The following PRDM1 variants were observed in gnomAD, a reference collection of about 807,000 sequenced individuals.
The protein encoded by PRDM1 is PR/SET domain 1.
A neutral mutation model predicts 62.8 loss-of-function variants in PRDM1; 13 were observed. The ratio of observed to expected loss-of-function variants is 0.21; its 90% CI spans 0.13 to 0.33. The LOEUF is 0.33. PRDM1 is among the 10% of genes least tolerant of loss of function. The probability of loss-of-function intolerance (pLI) is 1.00; values close to 1 mark genes in which losing one functional copy is unlikely to be tolerated. For missense variants in PRDM1, 895 were observed against 1,058.8 expected, an observed-to-expected ratio of 0.85 and a Z score of 2.15; for synonymous variants, 396 against 417.6, an observed-to-expected ratio of 0.95 and a Z score of 0.63.
chr6:106,001,341 A>G (rs1772421966), intron 1 of PRDM1, among the ~76,000 whole-genome samples: 1 of 152,180 alleles, frequency 6.6e-6, no homozygotes, highest in Non-Finnish European at 1.5e-5. Flanking sequence ...TGCGTTGTTT[A>G]TGGTGTCTTA....
chr6:106,090,181 C>A (rs1388949189), intron 2 of PRDM1, among the ~76,000 whole-genome samples: 1 of 152,102 alleles, frequency 6.6e-6, no homozygotes, highest in African/African-American at 2.4e-5. Context: ...CTACACTGGC[C>A]CCTCTTGGTG....
chr6:106,018,858 G>A (rs1310864720), intron 1 of PRDM1, among the ~76,000 whole-genome samples: 4 of 151,092 alleles, frequency 2.6e-5, no homozygotes, highest in Non-Finnish European at 5.9e-5. Context: ...CTTTTCATAT[G>A]GTATTCTTTG....
chr6:106,036,431 T>G (rs1562149790), intron 1 of PRDM1, among the ~76,000 whole-genome samples: 1 of 152,216 alleles, frequency 6.6e-6, no homozygotes, highest in Non-Finnish European at 1.5e-5. Flanking sequence ...CCGTAACTAT[T>G]TAATTTCTTT....
At chr6:106,100,079 T>G (rs1430195628) in intron 4 of PRDM1, 6 of 153,660 alleles carry the variant, frequency 3.9e-5, no homozygotes, top group Admixed American at 1.3e-4. Flanking sequence ...TTCCTTACAG[T>G]AAAAAAACTA....
Position 105,994,624 on chromosome 6 carries a change from G to C in PRDM1, c.-67+985G>C, listed in dbSNP as rs997656024. 6.6e-6 allele frequency among the ~76,000 whole-genome samples: 1 copy of C among 152,164 alleles called. No homozygotes were observed. Among genetic ancestry groups the C allele is most frequent in the African/African-American group, 2.4e-5 (1 of 41,426 alleles). ...AACAGCAGGTCCAGAGGACTCTCGA[G>C]ATAGGTTTAGAGCCCGTCCTTTTGT... is the stretch of plus-strand genomic sequence containing the variant. On this transcript the variant is annotated intron_variant, in intron 1 of 6. Transcript: ENST00000652320. The surrounding 1 kb of genome is among the most constrained non-coding windows in gnomAD (Gnocchi z 4.1).
At chr6:106,024,978 G>A (rs533355741) in intron 1 of PRDM1, among the ~76,000 whole-genome samples, 1 of 152,174 alleles carries the variant, frequency 6.6e-6, no homozygotes, top group African/African-American at 2.4e-5. Context: ...TTCACAAGTC[G>A]TGTGTCTGCT....
chr6:106,061,971 C>T (rs192358570), intron 1 of PRDM1, among the ~76,000 whole-genome samples: 2 of 152,268 alleles, frequency 1.3e-5, no homozygotes, highest in East Asian at 3.9e-4. Flanking sequence ...TTTTGATTAT[C>T]AGATTGGCAA....
chr6:106,098,520 G>A (rs1288551553), intron 3 of PRDM1: 1 of 1,244,916 alleles, frequency 8.0e-7, no homozygotes, highest in African/African-American at 1.6e-5. Context: ...CTCTGTGTGT[G>A]GTGTTTTAGC....
At chr6:106,058,518 A>T (rs1773297033) in intron 1 of PRDM1, among the ~76,000 whole-genome samples, 1 of 152,114 alleles carries the variant, frequency 6.6e-6, no homozygotes, top group Non-Finnish European at 1.5e-5. Flanking sequence ...AAGACAATTG[A>T]TTCTGGCCTC....
At chr6:106,066,920 G>C (rs1156282789) in intron 1 of PRDM1, among the ~76,000 whole-genome samples, 1 of 152,176 alleles carries the variant, frequency 6.6e-6, no homozygotes, top group Non-Finnish European at 1.5e-5. Flanking sequence ...TGTGGACATA[G>C]TGTGCCAGGC....
At chr6:106,075,905 T>C (rs1241206758) in intron 1 of PRDM1, among the ~76,000 whole-genome samples, 2 of 151,972 alleles carry the variant, frequency 1.3e-5, no homozygotes, top group African/African-American at 4.8e-5. Flanking sequence ...ATCAAGGAAG[T>C]TGGTATAAGA....
In PRDM1 at chr6:106,095,941, A is replaced by G. The variant is rs138935069; in HGVS notation, c.411+207A>G. The G allele has an allele frequency of 1.1e-5, 6 of 553,856 alleles. No individual in the cohort carries two copies. The African/African-American group carries it at 1.1e-4, about 10-fold the overall frequency. 34.3% of individuals were successfully genotyped at this position (553,856 alleles called of 1,614,324 possible). ...CCTGTAGGTGGTTAGTGATGGAGAT[A>G]CGGGCTATATGTGAATCTTGATTTT... On this transcript the variant is annotated intron_variant, in intron 3 of 6. Coordinates refer to ENST00000369096, the MANE Select transcript of PRDM1 (RefSeq NM_001198.4).
In PRDM1 at chr6:106,105,530, C is replaced by T; in HGVS notation, c.1370C>T (p.Pro457Leu). The change falls in exon 5 of 7, where the codon CCC becomes CTC. Residue 457 changes from proline (P) to leucine (L), a missense_variant. Pro to Leu is a moderately conservative substitution (Grantham distance 98). This residue lies in a region of PRDM1 where 444 missense variants were observed against 422.7 expected (regional missense o/e 1.05). Transcript: ENST00000369096. ...YSNLLGGGSLPHPMLNPTSLP... is the reference protein window; with the variant it reads ...YSNLLGGGSLLHPMLNPTSLP... ...AATCTCCTCGGTGGGGGCAGCCTGC[C>T]CCACCCCATGCTCAACCCCACTTCT... The T allele has an allele frequency of 6.2e-7, 1 of 1,613,476 alleles. No homozygotes were observed. The highest frequency in any genetic ancestry group is 8.5e-7 in the Non-Finnish European group (1 of 1,179,656).
intron 1 of PRDM1, among the ~76,000 whole-genome samples, chr6:106,025,153 C>T (rs889723625): frequency 1.3e-5 from 2 of 152,182 alleles, no homozygotes; most frequent in African/African-American, 4.8e-5. Context: ...TGTTATCAAT[C>T]AACTTCTTTC....
At chr6:106,103,323 G>C (rs1412183621) in intron 4 of PRDM1, among the ~76,000 whole-genome samples, 2 of 152,170 alleles carry the variant, frequency 1.3e-5, no homozygotes, top group African/African-American at 4.8e-5. Context: ...GTTTCACAGA[G>C]TTCATTTCTA....
intron 1 of PRDM1, among the ~76,000 whole-genome samples, chr6:106,027,170 TA>T (rs1049142590): frequency 1.6e-4 from 25 of 152,342 alleles, no homozygotes; most frequent in African/African-American, 6.0e-4. Context: ...CTACTTTGTT[TA>T]AAATTCGGGA....
chr6:106,108,022 T>TTCAG lies in PRDM1; in HGVS notation c.*540_*543dup. 1 of 233,032 alleles carries TTCAG rather than the reference T, an allele frequency of 4.3e-6. No homozygotes were observed. The highest frequency in any genetic ancestry group is 8.5e-6 in the Non-Finnish European group (1 of 117,646). The allele number at this position is 233,032 out of a possible 1,614,324, so 14.4% of individuals were successfully genotyped here. On this transcript the variant is annotated 3_prime_UTR_variant, in exon 7 of 7. Coordinates refer to ENST00000369096, the MANE Select transcript of PRDM1 (RefSeq NM_001198.4). Reference sequence around the variant, plus strand: ...AGATTTAGTTAAACAAATATATGACTTCAGTCAACCTCTCTCTCTAATAAT... The same window carrying TTCAG: ...AGATTTAGTTAAACAAATATATGACTTCAGTCAGTCAACCTCTCTCTCTAATAAT...
intron 3 of PRDM1, chr6:106,098,870 G>A: frequency 4.6e-6 from 7 of 1,513,866 alleles, no homozygotes; most frequent in Non-Finnish European, 6.2e-6. Context: ...TCAGTTTGAC[G>A]TCGTCAGCCG....
At chr6:106,096,066 C>G in intron 3 of PRDM1, 1 of 213,470 alleles carries the variant, frequency 4.7e-6, no homozygotes, top group South Asian at 1.1e-4. Context: ...TAATGAGTTA[C>G]CAAGCCTTAG....
Sources: gnomAD v4.1 joint callset for allele counts (sites outside exome capture counted in the v4.1 genomes callset) on GRCh38, gnomAD v4.1.1 for gene constraint, gnomAD v4.1.1 regional missense constraint, Gnocchi (gnomAD v3.1) non-coding constraint, MANE v1.5 for transcripts, NCBI Gene and HGNC (gene_info 2026-07-23, HGNC 2026-07-21) for gene names.